Variants in ZNF609 observed in about 807,000 individuals in gnomAD.
The protein encoded by ZNF609 is zinc finger protein 609.
ZNF609 carries 11 observed loss-of-function variants against 109.5 expected under a neutral mutation model. The observed-to-expected ratio is 0.10, with a 90% CI of 0.06 to 0.17. The LOEUF is 0.17. Among genes scored for constraint, ZNF609 ranks in the 10% least tolerant of loss-of-function variants. The pLI is 1.00. For missense variants in ZNF609, 1,559 were observed against 1,772.4 expected (o/e 0.88, Z 2.16); for synonymous variants, 646 against 662.0 (o/e 0.98, Z 0.37).
intron 8 of ZNF609, 94 bp from the exon 9 acceptor site, chr15:64,681,215 A>ATTTTTTTTT: frequency 2.7e-6 from 3 of 1,091,290 alleles, no homozygotes; most frequent in Admixed American, 2.0e-5. Context: ...TGAGTATCAG[A>ATTTTTTTTT]TTTTTTTTTC....
At chr15:64,619,416 A>G (rs147571860) in intron 2 of ZNF609, among the ~76,000 whole-genome samples, 3 of 152,364 alleles carry the variant, frequency 2.0e-5, no homozygotes, top group Non-Finnish European at 4.4e-5. Context: ...TGAATATCAC[A>G]GAGCTTATTA....
chr15:64,617,736 C>T (rs1261820068), intron 2 of ZNF609, among the ~76,000 whole-genome samples: 4 of 151,902 alleles, frequency 2.6e-5, no homozygotes, highest in Non-Finnish European at 4.4e-5. Context: ...GCTGAGATCA[C>T]GCCATTGCAC....
At chr15:64,619,032 C>T (rs753635984) in intron 2 of ZNF609, among the ~76,000 whole-genome samples, 19 of 152,194 alleles carry the variant, frequency 1.2e-4, no homozygotes, top group Non-Finnish European at 2.5e-4. Context: ...ACTTCCCTTA[C>T]CCCCTTCTGT....
intron 3 of ZNF609, among the ~76,000 whole-genome samples, chr15:64,646,935 G>A (rs1896343937): frequency 1.0e-5 from 1 of 96,780 alleles, no homozygotes. Flanking sequence ...GGGAGACTCT[G>A]TCTCAAAAAA....
chr15:64,639,962 C>T (rs1896229510), intron 3 of ZNF609, among the ~76,000 whole-genome samples: 4 of 152,058 alleles, frequency 2.6e-5, no homozygotes, highest in Admixed American at 2.6e-4. Flanking sequence ...TTCTGTCGCC[C>T]AGGCTGGATT....
intron 1 of ZNF609, among the ~76,000 whole-genome samples, chr15:64,483,386 G>A (rs1474661399): frequency 6.6e-6 from 1 of 151,616 alleles, no homozygotes; most frequent in Non-Finnish European, 1.5e-5. Context: ...GAGCCACCAA[G>A]CCTGGCCTCT....
At chr15:64,576,689 A>G (rs1307760502) in intron 2 of ZNF609, among the ~76,000 whole-genome samples, 2 of 151,766 alleles carry the variant, frequency 1.3e-5, no homozygotes, top group Non-Finnish European at 2.9e-5. Flanking sequence ...CTGTAATCCC[A>G]GCACTTTGGG....
chr15:64,673,667 GTTGAC>G (rs1032540575), intron 4 of ZNF609, among the ~76,000 whole-genome samples: 27 of 152,342 alleles, frequency 1.8e-4, no homozygotes, highest in African/African-American at 6.3e-4. Context: ...TATAGGAAAT[GTTGAC>G]TTGACTATCT....
At chr15:64,579,957 C>T (rs1895071169) in intron 2 of ZNF609, among the ~76,000 whole-genome samples, 1 of 152,166 alleles carries the variant, frequency 6.6e-6, no homozygotes. Context: ...TTCTTATTCC[C>T]TGGAACCTGT....
intron 3 of ZNF609, among the ~76,000 whole-genome samples, chr15:64,662,173 A>T (rs1896587034): frequency 6.6e-6 from 1 of 152,108 alleles, no homozygotes; most frequent in African/African-American, 2.4e-5. Flanking sequence ...AGGGCTGCTT[A>T]AGTGTTCTCA....
At chr15:64,672,770 C>A (rs999984651) in intron 4 of ZNF609, among the ~76,000 whole-genome samples, 19 of 149,694 alleles carry the variant, frequency 1.3e-4, no homozygotes, top group Non-Finnish European at 2.5e-4. Flanking sequence ...TCGAGACCAT[C>A]CTGGCCAACA....
At chr15:64,589,922 G>A (rs1895264684) in intron 2 of ZNF609, among the ~76,000 whole-genome samples, 1 of 152,216 alleles carries the variant, frequency 6.6e-6, no homozygotes, top group Non-Finnish European at 1.5e-5. Context: ...AAGCGATAGT[G>A]AAAATTGAGA....
intron 2 of ZNF609, among the ~76,000 whole-genome samples, chr15:64,562,624 C>G (rs79699162): frequency 0.013 from 1,978 of 152,144 alleles, 33 homozygotes; most frequent in African/African-American, 0.046. Context: ...TATTACACTT[C>G]TCAAGTTTAG....
At chr15:64,653,656 A>T (rs1011603340) in intron 3 of ZNF609, among the ~76,000 whole-genome samples, 2 of 147,590 alleles carry the variant, frequency 1.4e-5, no homozygotes, top group Non-Finnish European at 2.9e-5. Context: ...CAAAAAAAAT[A>T]AATAAATAAA....
chr15:64,510,800 C>T (rs1011667680), intron 2 of ZNF609, among the ~76,000 whole-genome samples: 7 of 151,968 alleles, frequency 4.6e-5, no homozygotes, highest in African/African-American at 1.5e-4. Context: ...CTGTGAAATA[C>T]TCTAATTGCT....
chr15:64,550,664 T>C (rs1159566457), intron 2 of ZNF609, among the ~76,000 whole-genome samples: 2 of 152,064 alleles, frequency 1.3e-5, no homozygotes, highest in Admixed American at 6.6e-5. Flanking sequence ...GACGAAACCC[T>C]GTCTCTACTA....
At chr15:64,517,876 C>T (rs561263510) in intron 2 of ZNF609, among the ~76,000 whole-genome samples, 1 of 152,082 alleles carries the variant, frequency 6.6e-6, no homozygotes, top group South Asian at 2.1e-4. Context: ...GCCTCCTGGG[C>T]TCAAGTGATC....
intron 2 of ZNF609, among the ~76,000 whole-genome samples, chr15:64,619,287 A>T (rs926656522): frequency 6.6e-6 from 1 of 152,198 alleles, no homozygotes; most frequent in African/African-American, 2.4e-5. Context: ...GGCTTGAGCC[A>T]TTGCACCCAG....
intron 1 of ZNF609, among the ~76,000 whole-genome samples, chr15:64,481,750 G>A (rs1566994686): frequency 6.6e-6 from 1 of 152,158 alleles, no homozygotes; most frequent in African/African-American, 2.4e-5. Flanking sequence ...AAGCCTCTTT[G>A]TAGAAATGAT....
Sources: gnomAD v4.1 joint callset for allele counts (sites outside exome capture counted in the v4.1 genomes callset) on GRCh38, gnomAD v4.1.1 for gene constraint, MANE v1.5 for transcripts, NCBI Gene and HGNC (gene_info 2026-07-23, HGNC 2026-07-21) for gene names.